PPARGC1A: variants seen among roughly 807,000 people sequenced by gnomAD.
PPARGC1A encodes the protein PPARG coactivator 1 alpha, also known as peroxisome proliferator-activated receptor gamma coactivator 1-alpha.
Under a neutral mutation model 88.7 loss-of-function variants are expected in PPARGC1A, and 25 were observed. The ratio of observed to expected loss-of-function variants is 0.28; its 90% CI spans 0.21 to 0.39. PPARGC1A has a LOEUF of 0.39. Among genes scored for constraint, PPARGC1A ranks in the 10% least tolerant of loss-of-function variants. The pLI, the probability that PPARGC1A is intolerant of heterozygous loss-of-function variation, is 1.00. For synonymous variants in PPARGC1A, 363 were observed against 355.6 expected (o/e 1.02, Z -0.24); for missense variants, 880 against 968.7 (o/e 0.91, Z 1.22).
At chr4:24,471,808 G>A in the PPARGC1A span, among the ~76,000 whole-genome samples, 2 of 152,238 alleles carry the variant, frequency 1.3e-5, no homozygotes, top group South Asian at 2.1e-4. The surrounding 1 kb of genome is among the most constrained non-coding windows in gnomAD (Gnocchi z 5.4). Flanking sequence ...CAGGAGGAGC[G>A]GAGGCTCCAC....
the PPARGC1A span, among the ~76,000 whole-genome samples, chr4:24,002,080 A>G: frequency 1.4e-5 from 2 of 138,040 alleles, no homozygotes; most frequent in African/African-American, 6.0e-5. Flanking sequence ...ACACACACAC[A>G]CACACACACA....
chr4:24,388,238 A>G, the PPARGC1A span, among the ~76,000 whole-genome samples: 1 of 152,222 alleles, frequency 6.6e-6, no homozygotes, highest in Non-Finnish European at 1.5e-5. Context: ...AAAAAAGCTC[A>G]TTAGAGAAAT....
At chr4:24,457,111 C>G in the PPARGC1A span, among the ~76,000 whole-genome samples, 1 of 152,108 alleles carries the variant, frequency 6.6e-6, no homozygotes, top group African/African-American at 2.4e-5. Context: ...TGGGATCATA[C>G]AGTTTTGCAG....
chr4:23,965,634 C>G, the PPARGC1A span, among the ~76,000 whole-genome samples: 3 of 152,156 alleles, frequency 2.0e-5, no homozygotes, highest in East Asian at 5.8e-4. Flanking sequence ...TTGTTAGCTA[C>G]TAAGCAGCAG....
At chr4:24,457,715 ATTATTTAT>A in the PPARGC1A span, among the ~76,000 whole-genome samples, 13 of 151,500 alleles carry the variant, frequency 8.6e-5, no homozygotes, top group Admixed American at 3.3e-4. Flanking sequence ...TGGCTAATTT[ATTATTTAT>A]TTATTTATTT....
At chr4:23,984,195 C>G in the PPARGC1A span, among the ~76,000 whole-genome samples, 1 of 152,042 alleles carries the variant, frequency 6.6e-6, no homozygotes, top group African/African-American at 2.4e-5. Flanking sequence ...AACTCATTTT[C>G]CTCCAGGTTT....
At chr4:23,844,477 T>G (rs1293007361) in intron 2 of PPARGC1A, among the ~76,000 whole-genome samples, 4 of 46,412 alleles carry the variant, frequency 8.6e-5, no homozygotes, top group Non-Finnish European at 1.5e-4. Context: ...TCTATATTAA[T>G]ATATTATAAT....
At chr4:24,328,483 AT>A in the PPARGC1A span, among the ~76,000 whole-genome samples, 1 of 152,290 alleles carries the variant, frequency 6.6e-6, no homozygotes, top group East Asian at 1.9e-4. Flanking sequence ...CATGTTCCAC[AT>A]TTTTAACCCT....
chr4:24,225,676 T>A, the PPARGC1A span, among the ~76,000 whole-genome samples: 1 of 152,060 alleles, frequency 6.6e-6, no homozygotes, highest in East Asian at 1.9e-4. Flanking sequence ...GGGTCCAGGA[T>A]GACTCCAAGC....
At chr4:23,890,543 A>C (rs1333579633), upstream of PPARGC1A, among the ~76,000 whole-genome samples, 1 of 150,176 alleles carries the variant, frequency 6.7e-6, no homozygotes, top group Non-Finnish European at 1.5e-5. Flanking sequence ...AGCTTATCAC[A>C]TGATGCATTT....
the PPARGC1A span, among the ~76,000 whole-genome samples, chr4:24,219,427 T>A: frequency 6.6e-6 from 1 of 152,312 alleles, no homozygotes; most frequent in East Asian, 1.9e-4. Flanking sequence ...TCCGTCATAC[T>A]GGGCTCTAGC....
the PPARGC1A span, among the ~76,000 whole-genome samples, chr4:24,095,830 G>A: frequency 6.6e-6 from 1 of 152,220 alleles, no homozygotes; most frequent in African/African-American, 2.4e-5. Context: ...AAAAGGGCAA[G>A]TGACTGAACT....
the PPARGC1A span, among the ~76,000 whole-genome samples, chr4:23,991,143 G>C: frequency 3.9e-4 from 59 of 152,104 alleles, no homozygotes; most frequent in Middle Eastern, 3.4e-3. Context: ...AGTCATAAAT[G>C]ACACAGCCAC....
chr4:24,140,738 G>A, the PPARGC1A span, among the ~76,000 whole-genome samples: 1 of 152,174 alleles, frequency 6.6e-6, no homozygotes, highest in African/African-American at 2.4e-5. Flanking sequence ...CAAACCCCTA[G>A]TTCCTCATGA....
chr4:23,945,717 A>T, the PPARGC1A span, among the ~76,000 whole-genome samples: 1 of 152,142 alleles, frequency 6.6e-6, no homozygotes, highest in Non-Finnish European at 1.5e-5. Flanking sequence ...TGCCTTATAG[A>T]TCTGTCCATC....
chr4:24,165,279 A>T, the PPARGC1A span, among the ~76,000 whole-genome samples: 1 of 152,166 alleles, frequency 6.6e-6, no homozygotes, highest in Non-Finnish European at 1.5e-5. Context: ...ATCAAACTGA[A>T]ATTAAAATTG....
chr4:24,263,526 C>T, the PPARGC1A span, among the ~76,000 whole-genome samples: 1 of 151,692 alleles, frequency 6.6e-6, no homozygotes, highest in Non-Finnish European at 1.5e-5. Flanking sequence ...CTGCATGGAT[C>T]CACTTATACA....
the PPARGC1A span, among the ~76,000 whole-genome samples, chr4:24,078,530 T>C: frequency 2.6e-5 from 4 of 152,084 alleles, no homozygotes; most frequent in African/African-American, 9.7e-5. Context: ...AAGCAAACTG[T>C]TGTATGTCTT....
At chr4:24,179,263 A>G in the PPARGC1A span, among the ~76,000 whole-genome samples, 2 of 152,166 alleles carry the variant, frequency 1.3e-5, no homozygotes, top group Admixed American at 1.3e-4. Flanking sequence ...ACTGGTTGTA[A>G]CAAATTGCAA....
Sources: gnomAD v4.1 joint callset for allele counts (sites outside exome capture counted in the v4.1 genomes callset) on GRCh38, gnomAD v4.1.1 for gene constraint, Gnocchi (gnomAD v3.1) non-coding constraint, MANE v1.5 for transcripts, NCBI Gene and HGNC (gene_info 2026-07-23, HGNC 2026-07-21) for gene names.